Variants in PHLDB2 observed in about 807,000 individuals in gnomAD.
The protein encoded by PHLDB2 is pleckstrin homology-like domain family B member 2.
In PHLDB2, 71 loss-of-function variants were observed where a neutral mutation model predicts 123.6. The ratio of observed to expected loss-of-function variants is 0.57; its 90% CI spans 0.47 to 0.70. PHLDB2 has a LOEUF of 0.70. PHLDB2 is among the 30% of genes least tolerant of loss of function. The pLI, the probability that PHLDB2 is intolerant of heterozygous loss-of-function variation, is 0.00. For synonymous variants in PHLDB2, 547 were observed against 541.6 expected (o/e 1.01, Z -0.14); for missense variants, 1,446 against 1,519.5 (o/e 0.95, Z 0.80).
intron 2 of PHLDB2, among the ~76,000 whole-genome samples, chr3:111,910,525 G>A (rs78872821): frequency 0.011 from 1,673 of 152,208 alleles, 38 homozygotes; most frequent in African/African-American, 0.038. Context: ...TTTAAGTAGG[G>A]GGACAGACAT....
intron 1 of PHLDB2, among the ~76,000 whole-genome samples, chr3:111,822,317 G>GTGTGTGTGTGTGTGTGTGTGTATATATA (rs1553734228): frequency 1.0e-4 from 15 of 147,802 alleles, no homozygotes; most frequent in African/African-American, 3.1e-4. Flanking sequence ...GTGTGTGTGT[G>GTGTGTGTGTGTGTGTGTGTGTATATATA]TATATATATA....
chr3:111,791,752 ATG>A (rs1197141698), intron 1 of PHLDB2, among the ~76,000 whole-genome samples: 1 of 152,172 alleles, frequency 6.6e-6, no homozygotes, highest in African/African-American at 2.4e-5. Context: ...CATGCATACT[ATG>A]TGTAATGATC....
chr3:111,831,746 C>T lies in PHLDB2; in HGVS notation c.-48-14075C>T, dbSNP rs199804661. ...GTTATAGGTATGGGTGATATAGATACGAATGCAGTGCAGATATAGATACAT... is the reference window on the plus strand; with the variant it reads ...GTTATAGGTATGGGTGATATAGATATGAATGCAGTGCAGATATAGATACAT... On this transcript the variant is annotated intron_variant, in intron 1 of 17. Transcript: ENST00000393923. Among the ~76,000 whole-genome samples the T allele has an allele frequency of 5.9e-5, 9 of 151,998 alleles. No homozygotes were observed. The East Asian group carries it at 1.2e-3, about 20-fold the overall frequency.
chr3:111,777,512 C>A (rs73222497), intron 1 of PHLDB2, among the ~76,000 whole-genome samples: 1,720 of 152,100 alleles, frequency 0.011, 19 homozygotes, highest in Non-Finnish European at 0.014. Flanking sequence ...TAAATCAGAC[C>A]AGTCCACTCT....
At chr3:111,807,712 T>G (rs1312392539) in intron 1 of PHLDB2, among the ~76,000 whole-genome samples, 1 of 152,024 alleles carries the variant, frequency 6.6e-6, no homozygotes, top group African/African-American at 2.4e-5. Context: ...TGAGCTATGA[T>G]GGACCCACTG....
upstream of PHLDB2, among the ~76,000 whole-genome samples, chr3:111,856,683 G>A (rs528570557): frequency 1.3e-5 from 2 of 152,176 alleles, no homozygotes; most frequent in South Asian, 2.1e-4. Context: ...GGCATTGCTC[G>A]AGGCAAGGAA....
chr3:111,789,589 G>T (rs867865192), intron 1 of PHLDB2, among the ~76,000 whole-genome samples: 1 of 152,100 alleles, frequency 6.6e-6, no homozygotes, highest in Non-Finnish European at 1.5e-5. Flanking sequence ...TATTAATTTT[G>T]TGGACTTTGG....
rs562732699 is a variant in PHLDB2 at position 111,815,536 on chromosome 3, C to T, written c.-48-30285C>T. On this transcript the variant is annotated intron_variant, in intron 1 of 17. Coordinates refer to the PHLDB2 transcript ENST00000393923. ...TTTGTTTTAGCAAAGAGGCTGGTGACATTTTGCACCTTCCCTAGAGATTTG... is the reference window on the plus strand; with the variant it reads ...TTTGTTTTAGCAAAGAGGCTGGTGATATTTTGCACCTTCCCTAGAGATTTG... Among the ~76,000 whole-genome samples, 19 of 152,242 alleles carry T rather than the reference C, an allele frequency of 1.2e-4. No homozygotes were observed. The South Asian group carries it at 3.7e-3, about 30-fold the overall frequency.
chr3:111,777,021 G>C (rs573823529), intron 1 of PHLDB2, among the ~76,000 whole-genome samples: 12 of 150,608 alleles, frequency 8.0e-5, no homozygotes, highest in Admixed American at 6.6e-4. Flanking sequence ...AAAAAGAGAA[G>C]CCAGAAAGCT....
At chr3:111,953,803 A>G (rs1195253877) in intron 11 of PHLDB2, 127 bp from the exon 12 acceptor site, 1 of 671,258 alleles carries the variant, frequency 1.5e-6, no homozygotes, top group African/African-American at 1.8e-5. Flanking sequence ...CAACAAATGA[A>G]ATGCAAAGAC....
intron 13 of PHLDB2, among the ~76,000 whole-genome samples, chr3:111,964,278 T>A (rs1005339726): frequency 7.4e-6 from 1 of 135,298 alleles, no homozygotes; most frequent in African/African-American, 3.0e-5. Context: ...GGGACAAATG[T>A]GTCTCACCAC....
intron 1 of PHLDB2, among the ~76,000 whole-genome samples, chr3:111,883,774 T>C (rs2066046467): frequency 6.6e-6 from 1 of 152,252 alleles, no homozygotes; most frequent in South Asian, 2.1e-4. Context: ...TTGTCTTTTT[T>C]AATGTACCAG....
At chr3:111,733,840 G>T (rs769094688) in intron 1 of PHLDB2, among the ~76,000 whole-genome samples, 1 of 152,046 alleles carries the variant, frequency 6.6e-6, no homozygotes, top group Non-Finnish European at 1.5e-5. Context: ...TACAACTTTC[G>T]GGCCTGTGCA....
chr3:111,781,207 T>G (rs1385582819), intron 1 of PHLDB2, among the ~76,000 whole-genome samples: 2 of 152,104 alleles, frequency 1.3e-5, no homozygotes, highest in Non-Finnish European at 2.9e-5. Flanking sequence ...ATAACTTCTT[T>G]ACTTATGTCT....
intron 1 of PHLDB2, among the ~76,000 whole-genome samples, chr3:111,764,082 G>A (rs894669593): frequency 5.9e-5 from 9 of 152,110 alleles, no homozygotes; most frequent in Non-Finnish European, 8.8e-5. Context: ...CTTTGACACC[G>A]CTACTCAAGT....
At position 111,919,159 on chromosome 3, in the gene PHLDB2, G is replaced by T; in HGVS notation, c.1807G>T (p.Glu603Ter). The change falls in exon 4 of 18, where the codon GAA (glutamate) becomes TAA (stop). Residue 603 changes from glutamate (E) to a stop codon, truncating the protein, a stop_gained. Transcript: ENST00000431670. LOFTEE classifies it high-confidence loss of function. ...TRIVILNNLE[E>*]LKQKIKDIND... is the part of the protein sequence containing the mutation. ...GATAGTCATTCTGAACAACCTCGAG[G>T]AACTTAAGCAAAAAATCAAAGACAT... is the stretch of plus-strand genomic sequence containing the variant. 2.5e-6 allele frequency: 4 copies of T among 1,614,088 alleles called. No homozygotes were observed. Among genetic ancestry groups the T allele is most frequent in the Non-Finnish European group, 3.4e-6 (4 of 1,179,928 alleles).
At chr3:111,846,914 C>A (rs1452206172) in intron 2 of PHLDB2, among the ~76,000 whole-genome samples, 1 of 152,152 alleles carries the variant, frequency 6.6e-6, no homozygotes, top group East Asian at 1.9e-4. Flanking sequence ...TAACCAAAAC[C>A]AGTCATGGTT....
intron 9 of PHLDB2, among the ~76,000 whole-genome samples, chr3:111,947,649 A>C (rs948722968): frequency 2.0e-5 from 3 of 152,196 alleles, no homozygotes; most frequent in Non-Finnish European, 4.4e-5. Context: ...AAAAACTCAA[A>C]ATTGTTCATT....
At position 111,797,107 on chromosome 3, in the gene PHLDB2, G is replaced by T. The variant is rs961762504; in HGVS notation, c.-48-48714G>T. Among the ~76,000 whole-genome samples the T allele has an allele frequency of 1.4e-4, 22 of 152,208 alleles. No individual in the cohort carries two copies. The East Asian group carries it at 4.2e-3, about 29-fold the overall frequency. On this transcript the variant is annotated intron_variant, in intron 1 of 17. Coordinates refer to the PHLDB2 transcript ENST00000393923. Reference sequence around the variant, plus strand: ...GCTAAATGTGATCTCCTCAAAGAAGGCTTTCATTGATTACATAATCTAAAT... The same window carrying T: ...GCTAAATGTGATCTCCTCAAAGAAGTCTTTCATTGATTACATAATCTAAAT...
Sources: gnomAD v4.1 joint callset for allele counts (sites outside exome capture counted in the v4.1 genomes callset) on GRCh38, gnomAD v4.1.1 for gene constraint, MANE v1.5 for transcripts, NCBI Gene and HGNC (gene_info 2026-07-23, HGNC 2026-07-21) for gene names.